Variants in DHRS9 observed in about 807,000 individuals in gnomAD.
DHRS9 encodes dehydrogenase/reductase SDR family member 9.
In DHRS9, 18 loss-of-function variants were observed where a neutral mutation model predicts 26.6. That is an observed-to-expected ratio of 0.68 (90% confidence interval 0.47 to 1.00). The LOEUF (loss-of-function observed/expected upper bound fraction) is 1.00. Ranked by LOEUF, DHRS9 falls within the 50% of genes least tolerant of loss-of-function variation. The pLI, the probability that DHRS9 is intolerant of heterozygous loss-of-function variation, is 0.00. For synonymous variants in DHRS9, 134 were observed against 141.1 expected (o/e 0.95, Z 0.36); for missense variants, 425 against 378.7 (o/e 1.12, Z -1.01).
chr2:169,095,527 C>A lies in DHRS9; in HGVS notation c.737-17C>A. 2 of 1,598,454 alleles carry A rather than the reference C, an allele frequency of 1.3e-6. No homozygotes were observed. Among genetic ancestry groups the A allele is most frequent in the Non-Finnish European group, 1.7e-6 (2 of 1,165,836 alleles). ...CCCCTTCTACCAAAGAGTAAATGTA[C>A]TTTTGTCTCTTTTTAGGTCTAGACA... On this transcript the variant is annotated splice_polypyrimidine_tract_variant and intron_variant, in intron 4 of 4. Coordinates refer to ENST00000674881, the MANE Select transcript of DHRS9 (RefSeq NM_001376924.1).
intron 1 of DHRS9, among the ~76,000 whole-genome samples, chr2:169,073,425 C>A (rs1252164306): frequency 6.6e-6 from 1 of 152,208 alleles, no homozygotes; most frequent in Non-Finnish European, 1.5e-5. Flanking sequence ...ACTCAATGAA[C>A]CATAGCAGTT....
chr2:169,090,081 A>C (rs577536980), intron 3 of DHRS9, among the ~76,000 whole-genome samples: 2 of 152,348 alleles, frequency 1.3e-5, no homozygotes, highest in Non-Finnish European at 2.9e-5. Flanking sequence ...GTAATCAATA[A>C]AGAGTATTTT....
At chr2:169,092,010 A>G in intron 4 of DHRS9, 57 bp downstream of exon 4, 3 of 1,561,586 alleles carry the variant, frequency 1.9e-6, no homozygotes, top group Non-Finnish European at 8.7e-7. Context: ...AACAGCATGA[A>G]GGAGATTCAA....
intron 4 of DHRS9, 140 bp downstream of exon 4, chr2:169,092,093 T>A: frequency 1.0e-6 from 1 of 982,676 alleles, no homozygotes; most frequent in Non-Finnish European, 1.4e-6. Context: ...GATCTCCTAT[T>A]AATTTCAGTG....
At position 169,082,832 on chromosome 2, in the gene DHRS9, G is replaced by A. The variant is rs111420856; in HGVS notation, c.314-497G>A. On this transcript the variant is annotated intron_variant, in intron 2 of 4. Transcript: ENST00000674881. ...CACTCATAGGTGGGAATTGAACAATGAGAACACATGGACACAGGAAGGGGA... is the reference window on the plus strand; with the variant it reads ...CACTCATAGGTGGGAATTGAACAATAAGAACACATGGACACAGGAAGGGGA... 6.1e-3 allele frequency among the ~76,000 whole-genome samples: 809 copies of A among 133,632 alleles called. 7 individuals carry two copies. The East Asian group carries it at 0.078, about 13-fold the overall frequency. 87.7% of individuals were successfully genotyped at this position (133,632 alleles called of 152,430 possible).
chr2:169,079,094 C>A (rs146864787), intron 1 of DHRS9, among the ~76,000 whole-genome samples: 1 of 151,926 alleles, frequency 6.6e-6, no homozygotes, highest in Admixed American at 6.6e-5. Context: ...TGATCTGCCC[C>A]CCTCTGCCTC....
chr2:169,095,732 CAG>C lies in DHRS9; in HGVS notation c.927_928del (p.Lys310SerfsTer5). ...AALQDFLLLKQKAELANPKAV is the reference protein window; with the variant it reads ...AALQDFLLLKXKAELANPKAV ...TTTGCAAGACTTTTTATTGTTGAAA[CAG>C]AAAGCAGAGCTGGCTAATCCCAAGG... On this transcript the variant is annotated frameshift_variant, in exon 5 of 5. Coordinates refer to ENST00000674881, the MANE Select transcript of DHRS9 (RefSeq NM_001376924.1). LOFTEE classifies it high-confidence loss of function. 1 of 1,613,808 alleles carries C rather than the reference CAG, an allele frequency of 6.2e-7. No individual in the cohort carries two copies. Among genetic ancestry groups the C allele is most frequent in the South Asian group, 1.1e-5 (1 of 91,080 alleles).
Position 169,083,528 on chromosome 2 carries a change from C to G in DHRS9, c.513C>G (p.Ile171Met), listed in dbSNP as rs775162358. 1.2e-6 allele frequency: 2 copies of G among 1,613,982 alleles called. No homozygotes were observed. Among genetic ancestry groups the G allele is most frequent in the Admixed American group, 1.7e-5 (1 of 59,998 alleles). Residue 171 changes from isoleucine (I) to methionine (M), a missense_variant, in exon 3 of 5, where the codon ATC becomes ATG. Ile to Met is a conservative substitution (Grantham distance 10, BLOSUM62 1). Coordinates refer to ENST00000674881, the MANE Select transcript of DHRS9 (RefSeq NM_001376924.1). ...CCAGTGTTGGAGGTCGCCTTGCAAT[C>G]GTTGGAGGGGGCTATACTCCATCCA... Reference protein sequence around the residue: ...NVSSVGGRLAIVGGGYTPSKY... With the variant: ...NVSSVGGRLAMVGGGYTPSKY...
intron 3 of DHRS9, among the ~76,000 whole-genome samples, chr2:169,084,606 T>G (rs1395652331): frequency 6.6e-6 from 1 of 152,178 alleles, no homozygotes; most frequent in Non-Finnish European, 1.5e-5. Flanking sequence ...TTGAGCACCT[T>G]TCATATACCT....
intron 4 of DHRS9, among the ~76,000 whole-genome samples, chr2:169,093,150 T>C (rs1413664280): frequency 1.3e-5 from 2 of 152,012 alleles, no homozygotes; most frequent in African/African-American, 4.8e-5. Flanking sequence ...GGGTTCCACC[T>C]AACTATGGGT....
chr2:169,078,944 C>G (rs1003033284), intron 1 of DHRS9, among the ~76,000 whole-genome samples: 1 of 149,304 alleles, frequency 6.7e-6, no homozygotes, highest in Non-Finnish European at 1.5e-5. Context: ...GCCTGATTCT[C>G]CTGCCTGATT....
chr2:169,081,978 TA>T, intron 2 of DHRS9, 84 bp downstream of exon 2: 1 of 1,352,858 alleles, frequency 7.4e-7, no homozygotes, highest in Non-Finnish European at 1.0e-6. Flanking sequence ...GCTCAAGTTT[TA>T]AATGGCCTTT....
At position 169,078,746 on chromosome 2, in the gene DHRS9, T is replaced by C. The variant is rs189163401; in HGVS notation, c.-59-2777T>C. On this transcript the variant is annotated intron_variant, in intron 1 of 4. Coordinates refer to ENST00000674881, the MANE Select transcript of DHRS9 (RefSeq NM_001376924.1). ...ACTACTTCAGAAATAGCTGTAGCTA[T>C]ACCACAAGAATCAAGTAGGTTCTCC... Among the ~76,000 whole-genome samples, 528 of 151,454 alleles carry C rather than the reference T, an allele frequency of 3.5e-3. 6 individuals are homozygous for C. Among genetic ancestry groups the C allele is most frequent in the Middle Eastern group, 0.017 (5 of 294 alleles).
At chr2:169,071,463 A>G (rs1683801911) in intron 1 of DHRS9, among the ~76,000 whole-genome samples, 1 of 152,220 alleles carries the variant, frequency 6.6e-6, no homozygotes, top group South Asian at 2.1e-4. Context: ...CCTTAGAACT[A>G]AAAATGCAAA....
At chr2:169,082,065 GCTGT>G (rs1684208870) in intron 2 of DHRS9, among the ~76,000 whole-genome samples, 171 bp downstream of exon 2, 1 of 152,086 alleles carries the variant, frequency 6.6e-6, no homozygotes, top group Non-Finnish European at 1.5e-5. Context: ...CCAAGTACAG[GCTGT>G]CTGTGTGCAT....
At chr2:169,081,918 G>A (rs1684204941) in intron 2 of DHRS9, 24 bp downstream of exon 2, 1 of 1,579,526 alleles carries the variant, frequency 6.3e-7, no homozygotes, top group Non-Finnish European at 8.6e-7. Flanking sequence ...AAGTGGGTAG[G>A]ATGGGACAGG....
At chr2:169,076,884 A>G (rs1323919807) in intron 1 of DHRS9, among the ~76,000 whole-genome samples, 4 of 152,278 alleles carry the variant, frequency 2.6e-5, no homozygotes, top group Admixed American at 2.0e-4. Context: ...AGAAAATATT[A>G]TTAAGAAAAG....
chr2:169,091,463 G>C (rs1440980201), intron 3 of DHRS9, among the ~76,000 whole-genome samples: 2 of 152,064 alleles, frequency 1.3e-5, no homozygotes, highest in Admixed American at 1.3e-4. Flanking sequence ...GGTGGTTTAA[G>C]TACTGATAAG....
At chr2:169,067,260 A>G, upstream of DHRS9, 1 of 1,535,478 alleles carries the variant, frequency 6.5e-7, no homozygotes, top group South Asian at 1.2e-5. Flanking sequence ...CACAGCCTGC[A>G]CACTGGAGTA....
Sources: gnomAD v4.1 joint callset for allele counts (sites outside exome capture counted in the v4.1 genomes callset) on GRCh38, gnomAD v4.1.1 for gene constraint, MANE v1.5 for transcripts, NCBI Gene and HGNC (gene_info 2026-07-23, HGNC 2026-07-21) for gene names.